The following ADGRB3 variants were observed in gnomAD, a reference collection of about 807,000 sequenced individuals.
The protein encoded by ADGRB3 is adhesion G protein-coupled receptor B3.
ADGRB3 carries 37 observed loss-of-function variants against 193.4 expected under a neutral mutation model. That is an observed-to-expected ratio of 0.19 (90% CI 0.15 to 0.25). ADGRB3 has a LOEUF of 0.25. Among genes scored for constraint, ADGRB3 ranks in the 10% least tolerant of loss-of-function variants. The pLI, the probability that ADGRB3 is intolerant of heterozygous loss-of-function variation, is 1.00. For synonymous variants in ADGRB3, 690 were observed against 644.2 expected, an observed-to-expected ratio of 1.07 and a Z score of -1.08; for missense variants, 1,637 against 1,852.9, an observed-to-expected ratio of 0.88 and a Z score of 2.14.
At chr6:69,103,678 G>A (rs1773129841) in intron 17 of ADGRB3, among the ~76,000 whole-genome samples, 1 of 151,600 alleles carries the variant, frequency 6.6e-6, no homozygotes. Context: ...TAATGAACAA[G>A]GGCAATTGGA....
chr6:69,046,593 C>G (rs1338693270), intron 13 of ADGRB3, among the ~76,000 whole-genome samples: 2 of 152,104 alleles, frequency 1.3e-5, no homozygotes, highest in Non-Finnish European at 2.9e-5. Flanking sequence ...ACATTACTTA[C>G]AAAGTACTTT....
At chr6:68,694,982 T>C (rs1351134748) in intron 3 of ADGRB3, among the ~76,000 whole-genome samples, 1 of 152,068 alleles carries the variant, frequency 6.6e-6, no homozygotes, top group Non-Finnish European at 1.5e-5. Context: ...TCTTACGAGG[T>C]AATAGGCATC....
intron 3 of ADGRB3, among the ~76,000 whole-genome samples, chr6:68,842,472 T>G (rs1278856070): frequency 6.6e-6 from 1 of 151,828 alleles, no homozygotes; most frequent in African/African-American, 2.4e-5. Context: ...AATTGAAATA[T>G]GAAGAAATCC....
chr6:69,386,785 G>A (rs1770080196), intron 31 of ADGRB3, among the ~76,000 whole-genome samples: 1 of 151,906 alleles, frequency 6.6e-6, no homozygotes, highest in African/African-American at 2.4e-5. Flanking sequence ...CTCTATTCTG[G>A]CCCTAATGTT....
intron 29 of ADGRB3, among the ~76,000 whole-genome samples, chr6:69,362,525 G>A (rs1582657952): frequency 6.6e-6 from 1 of 151,902 alleles, no homozygotes; most frequent in African/African-American, 2.4e-5. Context: ...AAAATGCGAT[G>A]AATAAGGTAA....
At chr6:68,915,763 G>T (rs1766861430) in intron 3 of ADGRB3, among the ~76,000 whole-genome samples, 1 of 150,868 alleles carries the variant, frequency 6.6e-6, no homozygotes, top group South Asian at 2.1e-4. Context: ...CTTTGAGTGG[G>T]AGGGGAAAAA....
intron 20 of ADGRB3, among the ~76,000 whole-genome samples, chr6:69,295,740 A>G (rs1174033251): frequency 6.6e-6 from 1 of 152,186 alleles, no homozygotes; most frequent in Non-Finnish European, 1.5e-5. Flanking sequence ...GCAGTAGTCT[A>G]CCTTTACTTT....
At chr6:69,145,914 AG>A (rs1014067979) in intron 17 of ADGRB3, among the ~76,000 whole-genome samples, 1 of 152,070 alleles carries the variant, frequency 6.6e-6, no homozygotes, top group Non-Finnish European at 1.5e-5. Flanking sequence ...GCACTTCAGA[AG>A]GGAGGAAGTG....
At position 68,817,336 on chromosome 6, in the gene ADGRB3, T is replaced by C. The variant is rs1215298138; in HGVS notation, c.758-113223T>C. On this transcript the variant is annotated intron_variant, in intron 3 of 31. Coordinates refer to ENST00000370598, the MANE Select transcript of ADGRB3 (RefSeq NM_001704.3). ...ATATATATATATATATATATATATATATATATATATATATATATATATATA... is the reference window on the plus strand; with the variant it reads ...ATATATATATATATATATATATATACATATATATATATATATATATATATA... Among the ~76,000 whole-genome samples, 462 of 109,946 alleles carry C rather than the reference T, an allele frequency of 4.2e-3. 3 individuals carry two copies. Among genetic ancestry groups the C allele is most frequent in the Middle Eastern group, 8.8e-3 (2 of 228 alleles). The allele number at this position is 109,946 out of a possible 152,430, so 72.1% of individuals were successfully genotyped here.
In ADGRB3 at chr6:69,162,225, A is replaced by G. The variant is rs139077849; in HGVS notation, c.2481-71065A>G. Among the ~76,000 whole-genome samples, 1,169 of 152,214 alleles carry G rather than the reference A, an allele frequency of 7.7e-3. 11 individuals are homozygous for G. The highest frequency in any genetic ancestry group is 0.014 in the Non-Finnish European group (960 of 67,982). Reference sequence around the variant, plus strand: ...CTAGTTAAGAAGTTCTTGCATAACGACTTTTATCTTTAGATAATTAAATTA... The same window carrying G: ...CTAGTTAAGAAGTTCTTGCATAACGGCTTTTATCTTTAGATAATTAAATTA... On this transcript the variant is annotated intron_variant, in intron 17 of 31. Coordinates refer to ENST00000370598, the MANE Select transcript of ADGRB3 (RefSeq NM_001704.3).
intron 3 of ADGRB3, 141 bp from the exon 4 acceptor site, chr6:68,930,418 C>T: frequency 2.0e-6 from 1 of 488,438 alleles, no homozygotes; most frequent in South Asian, 5.1e-5. Flanking sequence ...ATATTCCAAG[C>T]AGATTAGCCT....
intron 13 of ADGRB3, among the ~76,000 whole-genome samples, chr6:69,047,685 C>A (rs1771277074): frequency 1.3e-5 from 2 of 152,030 alleles, no homozygotes; most frequent in Admixed American, 6.6e-5. Flanking sequence ...AGTAATATGG[C>A]TTTGTTCTCC....
At chr6:69,107,343 G>T (rs1007721007) in intron 17 of ADGRB3, among the ~76,000 whole-genome samples, 1 of 152,118 alleles carries the variant, frequency 6.6e-6, no homozygotes. Context: ...TTTCAAACAT[G>T]CCATTTTAAT....
intron 14 of ADGRB3, 83 bp from the exon 15 acceptor site, chr6:69,049,188 A>C (rs1386708397): frequency 1.0e-6 from 1 of 1,000,192 alleles, no homozygotes; most frequent in Non-Finnish European, 1.5e-6. Flanking sequence ...TACTGGAATT[A>C]TCTTGTAATT....
chr6:69,052,732 C>T lies in ADGRB3; in HGVS notation c.2333+3386C>T, dbSNP rs185655340. On this transcript the variant is annotated intron_variant, in intron 15 of 31. Transcript: ENST00000370598. Reference sequence around the variant, plus strand: ...ATACATTCAACTGTCCCTTGAGCTGCAATTTTTATTTTACTATTCAATTGT... The same window carrying T: ...ATACATTCAACTGTCCCTTGAGCTGTAATTTTTATTTTACTATTCAATTGT... Among the ~76,000 whole-genome samples the T allele has an allele frequency of 3.2e-3, 493 of 152,286 alleles. 2 individuals are homozygous for T. The highest frequency in any genetic ancestry group is 0.011 in the African/African-American group (477 of 41,566).
intron 17 of ADGRB3, among the ~76,000 whole-genome samples, chr6:69,116,930 CTGTGTGGCCA>C (rs1183573959): frequency 6.6e-6 from 1 of 152,194 alleles, no homozygotes; most frequent in Non-Finnish European, 1.5e-5. Context: ...TGGTGGGCCT[CTGTGTGGCCA>C]GCTTCCTAGA....
rs1211136865 is a variant in ADGRB3, at chr6:68,889,660, G to A, written c.758-40899G>A. On this transcript the variant is annotated intron_variant, in intron 3 of 31. Transcript: ENST00000370598. ...TGGGACTACAGGTGTCCGCCACCACGCCTGGCTAATTTTTTGTATTTTTAG... is the reference window on the plus strand; with the variant it reads ...TGGGACTACAGGTGTCCGCCACCACACCTGGCTAATTTTTTGTATTTTTAG... Among the ~76,000 whole-genome samples the A allele has an allele frequency of 4.0e-5, 6 of 151,824 alleles. No homozygotes were observed. In the South Asian group the frequency reaches 8.3e-4, roughly 21 times the overall value.
intron 10 of ADGRB3, among the ~76,000 whole-genome samples, chr6:68,975,890 A>G (rs1042310310): frequency 1.3e-5 from 2 of 152,144 alleles, no homozygotes; most frequent in African/African-American, 4.8e-5. Context: ...CCCACATATC[A>G]TTGACTTATT....
At chr6:68,707,373 C>T (rs958974700) in intron 3 of ADGRB3, among the ~76,000 whole-genome samples, 1 of 152,044 alleles carries the variant, frequency 6.6e-6, no homozygotes, top group South Asian at 2.1e-4. Flanking sequence ...AACTCCTTTT[C>T]GGCAATATGT....
Sources: allele counts gnomAD v4.1 joint callset (sites outside exome capture counted in the v4.1 genomes callset), GRCh38; gene constraint gnomAD v4.1.1; transcripts MANE v1.5; gene names NCBI Gene and HGNC (gene_info 2026-07-23, HGNC 2026-07-21).